Variants in BRINP3 observed in about 807,000 individuals in gnomAD.
The protein encoded by BRINP3 is BMP/retinoic acid inducible neural specific 3.
A neutral mutation model predicts 71.0 loss-of-function variants in BRINP3; 19 were observed. The ratio of observed to expected loss-of-function variants is 0.27; its 90% CI spans 0.19 to 0.39. The LOEUF (loss-of-function observed/expected upper bound fraction) is 0.39, where lower values mean the gene tolerates loss of function less well. Among genes scored for constraint, BRINP3 ranks in the 10% least tolerant of loss-of-function variants. The probability of loss-of-function intolerance (pLI) is 1.00; values close to 1 mark genes in which losing one functional copy is unlikely to be tolerated. For synonymous variants in BRINP3, 380 were observed against 337.7 expected (o/e 1.13, Z -1.37); for missense variants, 959 against 940.8 (o/e 1.02, Z -0.25).
Position 190,183,535 on chromosome 1 carries a change from A to G in BRINP3, c.962-22645T>C, listed in dbSNP as rs137886463. 4.9e-3 allele frequency among the ~76,000 whole-genome samples: 753 copies of G among 152,196 alleles called. 8 individuals are homozygous for G. Among genetic ancestry groups the G allele is most frequent in the African/African-American group, 0.016 (669 of 41,544 alleles). On this transcript the variant is annotated intron_variant, in intron 6 of 7. Transcript: ENST00000367462. ...AAACACCTGGGGAACAGAGCTTCTCATTACAGCTGGGAAGGATGGGTGTTA... is the reference window on the plus strand; with the variant it reads ...AAACACCTGGGGAACAGAGCTTCTCGTTACAGCTGGGAAGGATGGGTGTTA...
chr1:190,261,428 T>C (rs1661175219), intron 4 of BRINP3, among the ~76,000 whole-genome samples: 1 of 102,516 alleles, frequency 9.8e-6, no homozygotes. Flanking sequence ...GTGTTTTTTA[T>C]TTACAGATTA....
intron 2 of BRINP3, among the ~76,000 whole-genome samples, chr1:190,433,656 T>G (rs1027710569): frequency 6.6e-6 from 1 of 152,148 alleles, no homozygotes; most frequent in Non-Finnish European, 1.5e-5. Context: ...CTAGCAGCAA[T>G]GGTCACAATC....
chr1:190,400,594 T>C (rs923924290), intron 2 of BRINP3, among the ~76,000 whole-genome samples: 2 of 152,202 alleles, frequency 1.3e-5, no homozygotes, highest in African/African-American at 4.8e-5. Flanking sequence ...TTTTCTTCCA[T>C]GATTTTATAG....
chr1:190,452,320 T>G (rs1675666213), intron 2 of BRINP3, among the ~76,000 whole-genome samples: 1 of 152,190 alleles, frequency 6.6e-6, no homozygotes, highest in Non-Finnish European at 1.5e-5. Context: ...TTATAAGAAG[T>G]TGTAACCTAG....
chr1:190,209,732 T>A (rs572558906), intron 6 of BRINP3, among the ~76,000 whole-genome samples: 3 of 152,278 alleles, frequency 2.0e-5, no homozygotes, highest in Admixed American at 1.3e-4. Flanking sequence ...TTTGAATTAA[T>A]TTCTAATGGT....
intron 2 of BRINP3, among the ~76,000 whole-genome samples, chr1:190,363,378 T>C (rs1486668407): frequency 6.6e-6 from 1 of 152,192 alleles, no homozygotes; most frequent in East Asian, 1.9e-4. Flanking sequence ...GCAGAAATAG[T>C]GTTTGTTGTT....
At chr1:190,398,599 T>C (rs1202534823) in intron 2 of BRINP3, among the ~76,000 whole-genome samples, 1 of 151,990 alleles carries the variant, frequency 6.6e-6, no homozygotes, top group African/African-American at 2.4e-5. Context: ...AGCAAAATAG[T>C]TTTATTTTAA....
intron 6 of BRINP3, among the ~76,000 whole-genome samples, chr1:190,202,225 G>A (rs1215516826): frequency 6.6e-6 from 1 of 152,138 alleles, no homozygotes; most frequent in East Asian, 1.9e-4. Flanking sequence ...TCATTCTGGA[G>A]CTTTAAGATT....
chr1:190,328,435 A>C (rs575484262), intron 2 of BRINP3, among the ~76,000 whole-genome samples: 1 of 152,118 alleles, frequency 6.6e-6, no homozygotes, highest in African/African-American at 2.4e-5. Flanking sequence ...ATACCTCTAC[A>C]CTCAGAATCT....
chr1:190,170,511 T>C (rs76468454), intron 6 of BRINP3, among the ~76,000 whole-genome samples: 3,288 of 152,186 alleles, frequency 0.022, 112 homozygotes, highest in African/African-American at 0.075. Context: ...AGCTTAGTCA[T>C]ATAAAACGTG....
intron 2 of BRINP3, among the ~76,000 whole-genome samples, chr1:190,334,906 G>A (rs1667191706): frequency 1.3e-5 from 2 of 151,616 alleles, no homozygotes; most frequent in Admixed American, 1.3e-4. Flanking sequence ...TCTATAAGAA[G>A]AAAAAAGCAT....
rs1028961249 is a variant in BRINP3, at chr1:190,099,231, G to C, written c.1185-97C>G. The C allele has an allele frequency of 6.5e-5, 78 of 1,203,682 alleles. No homozygotes were observed. The African/African-American group carries it at 1.1e-3, about 17-fold the overall frequency. 74.6% of individuals were successfully genotyped at this position (1,203,682 alleles called of 1,614,324 possible). A position where few individuals can be genotyped will look rare whatever the true frequency, so the allele number is the denominator to read the frequency against. ...AGAAATCTTTGCTATCATTTCTTCA[G>C]GTCATCTCCAGCCAGTAATTTAAAT... On this transcript the variant is annotated intron_variant, in intron 7 of 7. Coordinates refer to ENST00000367462, the MANE Select transcript of BRINP3 (RefSeq NM_199051.3).
In BRINP3 at chr1:190,405,480, AAAAAAAAAAAAAC is replaced by A. The variant is rs1324855502; in HGVS notation, c.236+49162_236+49174del. On this transcript the variant is annotated intron_variant, in intron 2 of 7. Transcript: ENST00000367462. ...AAAAAAAAAAAAAAAAAAAAAAAAA[AAAAAAAAAAAAAC>A]CAGAATCAGAAGCGTGACATATCAT... Among the ~76,000 whole-genome samples the A allele has an allele frequency of 2.9e-3, 265 of 92,732 alleles. 20 individuals are homozygous for A. The highest frequency in any genetic ancestry group is 0.012 in the African/African-American group (238 of 19,272). The allele number at this position is 92,732 out of a possible 152,430, so 60.8% of individuals were successfully genotyped here.
intron 2 of BRINP3, among the ~76,000 whole-genome samples, chr1:190,453,324 C>G (rs897941877): frequency 1.4e-5 from 2 of 143,358 alleles, no homozygotes; most frequent in Non-Finnish European, 3.0e-5. Flanking sequence ...GAGTTCAAGC[C>G]TTTCTCCTGC....
At chr1:190,464,049 G>A (rs1030831851) in intron 1 of BRINP3, among the ~76,000 whole-genome samples, 1 of 151,150 alleles carries the variant, frequency 6.6e-6, no homozygotes, top group Non-Finnish European at 1.5e-5. Flanking sequence ...ATGTAAAAAT[G>A]GGAATAAAAT....
intron 2 of BRINP3, among the ~76,000 whole-genome samples, chr1:190,445,661 A>C (rs1675168578): frequency 6.6e-6 from 1 of 152,054 alleles, no homozygotes; most frequent in Non-Finnish European, 1.5e-5. Context: ...TCTAATTTTC[A>C]ATTTCACATT....
chr1:190,400,006 C>A (rs550163341), intron 2 of BRINP3, among the ~76,000 whole-genome samples: 1 of 152,026 alleles, frequency 6.6e-6, no homozygotes, highest in Admixed American at 6.6e-5. Context: ...TTCAAAAAGT[C>A]ATTATTTAAG....
At chr1:190,261,898 T>C (rs1661215819) in intron 4 of BRINP3, among the ~76,000 whole-genome samples, 1 of 152,184 alleles carries the variant, frequency 6.6e-6, no homozygotes, top group Admixed American at 6.5e-5. Flanking sequence ...GAATTGTTTA[T>C]TCAACTAGAA....
At chr1:190,319,798 C>T (rs991667073) in intron 2 of BRINP3, among the ~76,000 whole-genome samples, 2 of 152,190 alleles carry the variant, frequency 1.3e-5, no homozygotes, top group Admixed American at 6.5e-5. Flanking sequence ...CCACCTCCAG[C>T]ATTGGGGATT....
Sources: allele counts gnomAD v4.1 joint callset (sites outside exome capture counted in the v4.1 genomes callset), GRCh38; gene constraint gnomAD v4.1.1; transcripts MANE v1.5; gene names NCBI Gene and HGNC (gene_info 2026-07-23, HGNC 2026-07-21).